The following PRRC2B variants were observed in gnomAD, a reference collection of about 807,000 sequenced individuals.
PRRC2B encodes proline rich coiled-coil 2B, also known as protein PRRC2B.
PRRC2B carries 68 observed loss-of-function variants against 242.3 expected under a neutral mutation model. That is an observed-to-expected ratio of 0.28 (90% CI 0.23 to 0.34). PRRC2B has a LOEUF of 0.34. PRRC2B is among the 10% of genes least tolerant of loss of function. PRRC2B has a pLI of 1.00. For synonymous variants in PRRC2B, 1,228 were observed against 1,173.6 expected, an observed-to-expected ratio of 1.05 and a Z score of -0.95; for missense variants, 2,835 against 2,954.8, an observed-to-expected ratio of 0.96 and a Z score of 0.94.
intron 9 of PRRC2B, among the ~76,000 whole-genome samples, chr9:131,448,415 G>A (rs963466970): frequency 3.3e-5 from 5 of 151,374 alleles, no homozygotes; most frequent in African/African-American, 4.8e-5. Context: ...GTGGTGGCGC[G>A]TGCCTGTAGT....
chr9:131,397,472 A>AT (rs1036060710), intron 1 of PRRC2B, among the ~76,000 whole-genome samples: 14 of 139,970 alleles, frequency 1.0e-4, no homozygotes, highest in East Asian at 4.1e-4. Flanking sequence ...TTTGTTATTA[A>AT]TTTTTTTTTT....
intron 9 of PRRC2B, among the ~76,000 whole-genome samples, chr9:131,452,288 T>TA (rs1219518931): frequency 1.3e-5 from 2 of 152,184 alleles, no homozygotes; most frequent in East Asian, 1.9e-4. Flanking sequence ...TGGCTGGGGT[T>TA]ACAGGTTTGG....
intron 1 of PRRC2B, among the ~76,000 whole-genome samples, chr9:131,415,912 A>T (rs1218044343): frequency 6.6e-6 from 1 of 151,848 alleles, no homozygotes; most frequent in African/African-American, 2.4e-5. Flanking sequence ...TCTGGGAACT[A>T]TTTTTGGCAT....
intron 1 of PRRC2B, among the ~76,000 whole-genome samples, chr9:131,413,467 C>T (rs974277098): frequency 8.5e-5 from 13 of 152,178 alleles, no homozygotes; most frequent in Non-Finnish European, 1.6e-4. Flanking sequence ...ATTAAATTTA[C>T]GTTCAAGTGC....
At chr9:131,443,010 G>A (rs923881497) in intron 5 of PRRC2B, among the ~76,000 whole-genome samples, 5 of 151,804 alleles carry the variant, frequency 3.3e-5, no homozygotes, top group African/African-American at 4.8e-5. Flanking sequence ...TACAAAATGC[G>A]GAAGGACAGG....
chr9:131,382,686 C>T (rs952982290), intron 1 of PRRC2B, among the ~76,000 whole-genome samples: 3 of 151,666 alleles, frequency 2.0e-5, no homozygotes, highest in African/African-American at 7.3e-5. Flanking sequence ...TGCCTGTCGC[C>T]CAGGCTGGAG....
chr9:131,401,117 C>A (rs1837216653), intron 1 of PRRC2B, among the ~76,000 whole-genome samples: 1 of 151,848 alleles, frequency 6.6e-6, no homozygotes, highest in Admixed American at 6.6e-5. Context: ...TACAGTTTCT[C>A]TTTATAGCAG....
chr9:131,445,187 T>G (rs1838755324), intron 6 of PRRC2B, among the ~76,000 whole-genome samples: 1 of 150,978 alleles, frequency 6.6e-6, no homozygotes, highest in Non-Finnish European at 1.5e-5. Flanking sequence ...TGAGATGGAG[T>G]TTCGCTCTTG....
At position 131,444,347 on chromosome 9, in the gene PRRC2B, T is replaced by C; in HGVS notation, c.613+19T>C. On this transcript the variant is annotated intron_variant, in intron 6 of 31. Coordinates refer to ENST00000683519, the MANE Select transcript of PRRC2B (RefSeq NM_013318.4). ...CCTCAGAGTAAGTGACTGCAGCCTCTGGGCACTCGATGGAGTAACAGAACT... is the reference window on the plus strand; with the variant it reads ...CCTCAGAGTAAGTGACTGCAGCCTCCGGGCACTCGATGGAGTAACAGAACT... The C allele has an allele frequency of 6.2e-7, 1 of 1,606,906 alleles. No individual in the cohort carries two copies. The highest frequency in any genetic ancestry group is 8.5e-7 in the Non-Finnish European group (1 of 1,176,864).
At chr9:131,387,221 G>A (rs961322781) in intron 1 of PRRC2B, among the ~76,000 whole-genome samples, 5 of 150,174 alleles carry the variant, frequency 3.3e-5, no homozygotes, top group East Asian at 4.0e-4. Context: ...GGCTGGTCTC[G>A]AACTCCCGAT....
intron 1 of PRRC2B, among the ~76,000 whole-genome samples, chr9:131,398,495 G>A (rs191865764): frequency 1.4e-4 from 21 of 152,290 alleles, no homozygotes; most frequent in Non-Finnish European, 2.6e-4. Context: ...ACTTCCTTCC[G>A]TTCTTACCTC....
At chr9:131,374,007 C>G (rs962963498) in intron 1 of PRRC2B, among the ~76,000 whole-genome samples, 2 of 146,340 alleles carry the variant, frequency 1.4e-5, no homozygotes, top group African/African-American at 2.5e-5. Context: ...TGCAGTGAGC[C>G]GAGATTGCGC....
At chr9:131,427,710 C>T (rs1838012809) in intron 1 of PRRC2B, among the ~76,000 whole-genome samples, 1 of 152,124 alleles carries the variant, frequency 6.6e-6, no homozygotes, top group African/African-American at 2.4e-5. Context: ...TCCTCCTGGC[C>T]TGCATGGTGT....
intron 1 of PRRC2B, among the ~76,000 whole-genome samples, chr9:131,421,046 A>T (rs1336896602): frequency 6.6e-6 from 1 of 152,100 alleles, no homozygotes; most frequent in African/African-American, 2.4e-5. Context: ...ATTCTCTTTT[A>T]TGTATTGTCT....
chr9:131,393,356 TA>T (rs943519281), upstream of PRRC2B, among the ~76,000 whole-genome samples: 2 of 152,060 alleles, frequency 1.3e-5, no homozygotes, highest in Non-Finnish European at 2.9e-5. Flanking sequence ...GTTAGGTGTC[TA>T]AAAAAGTAAG....
upstream of PRRC2B, among the ~76,000 whole-genome samples, chr9:131,393,651 G>C (rs1192463054): frequency 6.6e-6 from 1 of 152,244 alleles, no homozygotes; most frequent in Non-Finnish European, 1.5e-5. Context: ...TTTTGAAGGG[G>C]GAGGGGGCGG....
At chr9:131,478,649 G>GGGGGGGGGGCCCGGGCC in intron 18 of PRRC2B, 30 bp downstream of exon 18, 1 of 504,558 alleles carries the variant, frequency 2.0e-6, no homozygotes, top group Non-Finnish European at 4.0e-6. Flanking sequence ...GGGGCATGGG[G>GGGGGGGGGGCCCGGGCC]CTGGAGGGCA....
chr9:131,418,698 G>A (rs780058806), intron 1 of PRRC2B, among the ~76,000 whole-genome samples: 1 of 152,214 alleles, frequency 6.6e-6, no homozygotes, highest in African/African-American at 2.4e-5. Context: ...TGGCTGGGAC[G>A]TGGCCTTCCT....
chr9:131,466,192 G>A (rs979941792), intron 12 of PRRC2B, among the ~76,000 whole-genome samples: 6 of 152,186 alleles, frequency 3.9e-5, no homozygotes, highest in African/African-American at 1.4e-4. Flanking sequence ...AAAGCTTCTC[G>A]GGTTAGAGAG....
Sources: allele counts gnomAD v4.1 joint callset (sites outside exome capture counted in the v4.1 genomes callset), GRCh38; gene constraint gnomAD v4.1.1; transcripts MANE v1.5; gene names NCBI Gene and HGNC (gene_info 2026-07-23, HGNC 2026-07-21).